Variants in FLT3 observed in about 807,000 individuals in gnomAD.
FLT3 encodes the protein receptor-type tyrosine-protein kinase FLT3.
Under a neutral mutation model 126.6 loss-of-function variants are expected in FLT3, and 46 were observed. The observed-to-expected ratio is 0.36, with a 90% CI of 0.29 to 0.46. The LOEUF is 0.46. FLT3 is among the 20% of genes least tolerant of loss of function. The pLI, the probability that FLT3 is intolerant of heterozygous loss-of-function variation, is 1.00. For synonymous variants in FLT3, 404 were observed against 434.4 expected, an observed-to-expected ratio of 0.93 and a Z score of 0.87; for missense variants, 1,069 against 1,190.3, an observed-to-expected ratio of 0.90 and a Z score of 1.50.
chr13:28,053,478 T>A (rs1283509786), intron 4 of FLT3, among the ~76,000 whole-genome samples: 1 of 150,034 alleles, frequency 6.7e-6, no homozygotes, highest in Non-Finnish European at 1.5e-5. Flanking sequence ...GGAGCCACTA[T>A]CCACCTAATA....
At chr13:28,020,196 A>G (rs1316746895) in intron 19 of FLT3, among the ~76,000 whole-genome samples, 2 of 152,084 alleles carry the variant, frequency 1.3e-5, no homozygotes, top group Admixed American at 6.6e-5. Flanking sequence ...TAGTCCAAGC[A>G]TGAAGCACGC....
chr13:28,091,725 A>C (rs920546162), intron 1 of FLT3, among the ~76,000 whole-genome samples: 2 of 152,148 alleles, frequency 1.3e-5, no homozygotes, highest in African/African-American at 4.8e-5. Context: ...GCTTGAACTC[A>C]GGCATTCAAG....
At chr13:28,051,839 C>T (rs1875511726) in intron 5 of FLT3, among the ~76,000 whole-genome samples, 2 of 151,918 alleles carry the variant, frequency 1.3e-5, no homozygotes, top group Admixed American at 1.3e-4. Context: ...AGCCACTGTG[C>T]CCAGCCTAGA....
chr13:28,003,957 AT>A lies in FLT3; in HGVS notation c.*94del. On this transcript the variant is annotated 3_prime_UTR_variant, in exon 24 of 24. Coordinates refer to ENST00000241453, the MANE Select transcript of FLT3 (RefSeq NM_004119.3). Reference sequence around the variant, plus strand: ...CTGGTGAAGCAGCAGTTGATAATAGATTTTCTTTTAGTGATGAAATTAATCT... The same window carrying A: ...CTGGTGAAGCAGCAGTTGATAATAGATTTCTTTTAGTGATGAAATTAATCT... The A allele has an allele frequency of 7.0e-7, 1 of 1,435,966 alleles. No individual in the cohort carries two copies. Among genetic ancestry groups the A allele is most frequent in the Non-Finnish European group, 9.7e-7 (1 of 1,028,436 alleles). The allele number at this position is 1,435,966 out of a possible 1,614,324, so 89.0% of individuals were successfully genotyped here.
chr13:28,038,843 G>A (rs1316492278), intron 9 of FLT3, among the ~76,000 whole-genome samples: 1 of 152,118 alleles, frequency 6.6e-6, no homozygotes, highest in African/African-American at 2.4e-5. Flanking sequence ...TGAGGAGTGT[G>A]GAGGATGCAA....
intron 18 of FLT3, 39 bp from the exon 19 acceptor site, chr13:28,023,516 T>G (rs759887579): frequency 1.9e-6 from 3 of 1,609,142 alleles, no homozygotes; most frequent in Non-Finnish European, 2.5e-6. Context: ...GCCAAAACTC[T>G]AAGAAGTTGC....
At chr13:28,099,928 G>A (rs1465185488) in intron 1 of FLT3, among the ~76,000 whole-genome samples, 1 of 152,170 alleles carries the variant, frequency 6.6e-6, no homozygotes. Flanking sequence ...GCGGGGCTGG[G>A]GGGTATCGTT....
At position 28,044,042 on chromosome 13, in the gene FLT3, G is replaced by A. The variant is rs73154816; in HGVS notation, c.1205+4233C>T. Among the ~76,000 whole-genome samples, 1,128 of 151,796 alleles carry A rather than the reference G, an allele frequency of 7.4e-3. 6 individuals carry two copies. The highest frequency in any genetic ancestry group is 0.013 in the Non-Finnish European group (859 of 67,952). The stretch of plus-strand genomic sequence containing the variant: ...GGAGAATCACTTACTCACCTCCACC[G>A]AGAGGAGAATCACTTAATCACCTCC... On this transcript the variant is annotated intron_variant, in intron 9 of 23. Transcript: ENST00000241453.
chr13:28,071,867 G>C lies in FLT3; in HGVS notation c.44-1255C>G, dbSNP rs79443734. Among the ~76,000 whole-genome samples the C allele has an allele frequency of 4.7e-3, 717 of 151,992 alleles. 4 individuals are homozygous for C. Among genetic ancestry groups the C allele is most frequent in the African/African-American group, 0.016 (674 of 41,446 alleles). On this transcript the variant is annotated intron_variant, in intron 1 of 23. Transcript: ENST00000241453. ...TTTTAATTTTTTTTTTAAGAGACAG[G>C]ATCTCGCTATGTTGCACACAGTGAC...
chr13:28,011,087 G>A (rs1475830535), intron 23 of FLT3, among the ~76,000 whole-genome samples: 5 of 151,776 alleles, frequency 3.3e-5, no homozygotes, highest in African/African-American at 9.7e-5. Flanking sequence ...TGAGGTGGGC[G>A]GATCATGAGG....
At position 28,018,006 on chromosome 13, in the gene FLT3, G is replaced by T. The variant is rs561655395; in HGVS notation, c.2541+461C>A. Among the ~76,000 whole-genome samples, 5 of 152,250 alleles carry T rather than the reference G, an allele frequency of 3.3e-5. No individual in the cohort carries two copies. The South Asian group carries it at 1.0e-3, about 32-fold the overall frequency. ...GATCTTCCTGTGTTAACAGTAAAAGGATGATAAATATTCATTAATTCATAT... is the reference window on the plus strand; with the variant it reads ...GATCTTCCTGTGTTAACAGTAAAAGTATGATAAATATTCATTAATTCATAT... On this transcript the variant is annotated intron_variant, in intron 20 of 23. Transcript: ENST00000241453.
chr13:28,084,746 A>C (rs1029305881), intron 1 of FLT3, among the ~76,000 whole-genome samples: 18 of 151,676 alleles, frequency 1.2e-4, no homozygotes, highest in African/African-American at 4.1e-4. Context: ...GAGGCCGAGG[A>C]GGGCGGATCA....
chr13:28,043,250 T>C (rs1025023391), intron 9 of FLT3, among the ~76,000 whole-genome samples: 1 of 152,012 alleles, frequency 6.6e-6, no homozygotes, highest in African/African-American at 2.4e-5. Context: ...TGTAATTAAG[T>C]CTGTAGAGAT....
chr13:28,021,803 C>T (rs188175496), intron 19 of FLT3, among the ~76,000 whole-genome samples: 2,909 of 150,092 alleles, frequency 0.019, 40 homozygotes, highest in Middle Eastern at 0.041. Context: ...AGTGCAGTGG[C>T]GCCATCTTGG....
chr13:28,052,457 A>C, intron 5 of FLT3, 88 bp downstream of exon 5: 2 of 1,345,290 alleles, frequency 1.5e-6, no homozygotes, highest in Non-Finnish European at 2.1e-6. Flanking sequence ...AGCATAAATT[A>C]AATTTTACAT....
In FLT3 at chr13:28,070,048, G is replaced by A. The variant is rs1055231134; in HGVS notation, c.165+443C>T. Among the ~76,000 whole-genome samples the A allele has an allele frequency of 5.3e-5, 8 of 152,330 alleles. No individual in the cohort carries two copies. The East Asian group carries it at 1.2e-3, about 22-fold the overall frequency. Reference sequence around the variant, plus strand: ...GAGGATTGCTTGAGCCCGGGAGGGCGAGGCTGCAGTGAGCTATGATCATGC... The same window carrying A: ...GAGGATTGCTTGAGCCCGGGAGGGCAAGGCTGCAGTGAGCTATGATCATGC... On this transcript the variant is annotated intron_variant, in intron 2 of 23. Transcript: ENST00000241453.
chr13:28,091,256 C>T (rs956713173), intron 1 of FLT3, among the ~76,000 whole-genome samples: 31 of 106,256 alleles, frequency 2.9e-4, no homozygotes, highest in Non-Finnish European at 4.9e-4. Context: ...GAGTCTCGCT[C>T]TGTCGCCCAG....
At position 28,023,796 on chromosome 13, in the gene FLT3, C is replaced by T. The variant is rs1872594505; in HGVS notation, c.2291-319G>A. ...TGGGAAAGGAATTAATATTAATTGT[C>T]TATCCCTTTTTTTTTTGAGAAGGAG... On this transcript the variant is annotated intron_variant, in intron 18 of 23. Coordinates refer to ENST00000241453, the MANE Select transcript of FLT3 (RefSeq NM_004119.3). Among the ~76,000 whole-genome samples the T allele has an allele frequency of 2.4e-5, 3 of 125,810 alleles. No homozygotes were observed. The Admixed American group carries it at 2.4e-4, about 10-fold the overall frequency. The allele number at this position is 125,810 out of a possible 152,430, so 82.5% of individuals were successfully genotyped here. A position where few individuals can be genotyped will look rare whatever the true frequency, so the allele number is the denominator to read the frequency against.
At chr13:28,049,002 C>A (rs1029475625) in intron 8 of FLT3, among the ~76,000 whole-genome samples, 17 of 152,216 alleles carry the variant, frequency 1.1e-4, no homozygotes, top group African/African-American at 4.1e-4. Flanking sequence ...ACTGCCCTAA[C>A]AGTGCGGTTA....
Sources: allele counts gnomAD v4.1 joint callset (sites outside exome capture counted in the v4.1 genomes callset), GRCh38; gene constraint gnomAD v4.1.1; transcripts MANE v1.5; gene names NCBI Gene and HGNC (gene_info 2026-07-23, HGNC 2026-07-21).